NSUN2: variants seen among roughly 807,000 people sequenced by gnomAD.
NSUN2 encodes RNA cytosine C(5)-methyltransferase NSUN2.
Under a neutral mutation model 92.7 loss-of-function variants are expected in NSUN2, and 63 were observed. That is an observed-to-expected ratio of 0.68 (90% CI 0.56 to 0.84). The LOEUF (loss-of-function observed/expected upper bound fraction) is 0.84. Ranked by LOEUF, NSUN2 falls within the 40% of genes least tolerant of loss-of-function variation. The probability of loss-of-function intolerance (pLI) is 0.00; values close to 1 mark genes in which losing one functional copy is unlikely to be tolerated. For missense variants in NSUN2, 989 were observed against 964.9 expected, an observed-to-expected ratio of 1.02 and a Z score of -0.33; for synonymous variants, 356 against 348.3, an observed-to-expected ratio of 1.02 and a Z score of -0.25.
intron 8 of NSUN2, 90 bp from the exon 9 acceptor site, chr5:6,616,947 A>T: frequency 8.6e-7 from 1 of 1,162,280 alleles, no homozygotes; most frequent in Non-Finnish European, 1.2e-6. Context: ...TATTCATTAC[A>T]AGCTTTTATA....
chr5:6,626,325 TA>T (rs1185739713), intron 3 of NSUN2, among the ~76,000 whole-genome samples: 2 of 151,878 alleles, frequency 1.3e-5, no homozygotes, highest in Admixed American at 6.6e-5. Context: ...ATGTTATTTT[TA>T]TTTTTTTTAT....
intron 12 of NSUN2, among the ~76,000 whole-genome samples, chr5:6,609,237 G>C (rs1736895335): frequency 1.3e-5 from 2 of 152,192 alleles, no homozygotes; most frequent in South Asian, 2.1e-4. Flanking sequence ...ATGCTGGCGT[G>C]ATACAGGTGA....
At chr5:6,611,214 T>C (rs565404699) in intron 10 of NSUN2, 129 bp from the exon 11 acceptor site, 86 of 1,019,620 alleles carry the variant, frequency 8.4e-5, no homozygotes, top group Non-Finnish European at 1.1e-4. Context: ...GATAGGAAGA[T>C]TATTTGCCAA....
intron 6 of NSUN2, 33 bp from the exon 7 acceptor site, chr5:6,620,331 T>G (rs554758753): frequency 6.7e-7 from 1 of 1,496,944 alleles, no homozygotes; most frequent in African/African-American, 1.4e-5. Context: ...TCAGGTGAAA[T>G]GGAGCCTAAG....
chr5:6,617,008 T>C (rs1737239105), intron 8 of NSUN2, 151 bp from the exon 9 acceptor site: 7 of 553,002 alleles, frequency 1.3e-5, no homozygotes, highest in African/African-American at 1.9e-5. Context: ...GAAGTTAGAG[T>C]AAACTTATAT....
At chr5:6,622,847 C>CAAAAA (rs36124758) in intron 5 of NSUN2, among the ~76,000 whole-genome samples, 1 of 126,910 alleles carries the variant, frequency 7.9e-6, no homozygotes. Flanking sequence ...AACTCCATCT[C>CAAAAA]AAAAAAAAAA....
At chr5:6,615,122 G>A (rs1432356986) in intron 9 of NSUN2, among the ~76,000 whole-genome samples, 3 of 151,946 alleles carry the variant, frequency 2.0e-5, no homozygotes, top group Admixed American at 1.3e-4. Context: ...CGAGAAACCG[G>A]GGGAAGCTGT....
chr5:6,615,838 A>G (rs960713292), intron 9 of NSUN2, among the ~76,000 whole-genome samples: 9 of 152,286 alleles, frequency 5.9e-5, no homozygotes, highest in African/African-American at 2.2e-4. Flanking sequence ...ACATTCTGGC[A>G]AAACATAAAA....
At chr5:6,618,638 T>C (rs932294398) in intron 7 of NSUN2, among the ~76,000 whole-genome samples, 13 of 152,214 alleles carry the variant, frequency 8.5e-5, no homozygotes, top group Non-Finnish European at 1.0e-4. Flanking sequence ...ATTAAGCTAA[T>C]ATAATAGCTA....
chr5:6,608,206 C>T (rs1270087667), intron 12 of NSUN2, among the ~76,000 whole-genome samples: 1 of 152,220 alleles, frequency 6.6e-6, no homozygotes, highest in African/African-American at 2.4e-5. Context: ...GAACCCCAAG[C>T]CTGTGAGCAA....
At position 6,625,554 on chromosome 5, in the gene NSUN2, ATC is replaced by A; in HGVS notation, c.465+8_465+9del. 6.3e-7 allele frequency: 1 copy of A among 1,595,270 alleles called. No homozygotes were observed. Among genetic ancestry groups the A allele is most frequent in the South Asian group, 1.1e-5 (1 of 90,718 alleles). On this transcript the variant is annotated splice_region_variant and intron_variant, in intron 4 of 18. Coordinates refer to ENST00000264670, the MANE Select transcript of NSUN2 (RefSeq NM_017755.6). ...TAAGGAAACTAGCAAGTCTAAAGAA[ATC>A]AACTTACAGATTCTGTTTCACTAAC...
At chr5:6,609,105 C>G (rs1382880013) in intron 12 of NSUN2, among the ~76,000 whole-genome samples, 2 of 152,192 alleles carry the variant, frequency 1.3e-5, no homozygotes, top group Non-Finnish European at 2.9e-5. Context: ...TTTGTTCCTC[C>G]AAAGCTAAGC....
intron 12 of NSUN2, 38 bp from the exon 13 acceptor site, chr5:6,607,422 A>C (rs1736822457): frequency 6.5e-7 from 1 of 1,546,614 alleles, no homozygotes; most frequent in Non-Finnish European, 8.8e-7. Flanking sequence ...CACAAAGAGG[A>C]GCATTCTTTG....
At chr5:6,607,441 C>T (rs998867849) in intron 12 of NSUN2, 57 bp from the exon 13 acceptor site, 22 of 1,460,124 alleles carry the variant, frequency 1.5e-5, no homozygotes, top group African/African-American at 5.6e-5. Flanking sequence ...TGTGCTGCTA[C>T]GAAAAGTTAA....
chr5:6,626,941 T>G (rs929967778), intron 3 of NSUN2, among the ~76,000 whole-genome samples: 2 of 152,220 alleles, frequency 1.3e-5, no homozygotes, highest in Non-Finnish European at 2.9e-5. Context: ...TTTGACTGCT[T>G]TTAAACTCTG....
intron 12 of NSUN2, among the ~76,000 whole-genome samples, chr5:6,609,080 C>T (rs1228552188): frequency 6.6e-6 from 1 of 152,284 alleles, no homozygotes; most frequent in Non-Finnish European, 1.5e-5. Context: ...GAGCTCTTTG[C>T]GGAACTGTTT....
At chr5:6,612,853 T>A (rs1445543653) in intron 9 of NSUN2, among the ~76,000 whole-genome samples, 1 of 152,156 alleles carries the variant, frequency 6.6e-6, no homozygotes, top group East Asian at 1.9e-4. Flanking sequence ...AGCACCTGGG[T>A]TGGAAGCTGC....
intron 18 of NSUN2, among the ~76,000 whole-genome samples, chr5:6,601,931 C>T (rs746860184): frequency 6.6e-6 from 1 of 152,188 alleles, no homozygotes; most frequent in Admixed American, 6.5e-5. Flanking sequence ...CTGGCAAGTG[C>T]TGCCAAAACC....
intron 8 of NSUN2, among the ~76,000 whole-genome samples, chr5:6,617,605 T>C (rs1396115964): frequency 1.3e-5 from 2 of 152,160 alleles, no homozygotes; most frequent in African/African-American, 4.8e-5. Context: ...AAATGTCTCT[T>C]AGCAAAACGA....
Sources: gnomAD v4.1 joint callset for allele counts (sites outside exome capture counted in the v4.1 genomes callset) on GRCh38, gnomAD v4.1.1 for gene constraint, MANE v1.5 for transcripts, NCBI Gene and HGNC (gene_info 2026-07-23, HGNC 2026-07-21) for gene names.